The following CTNNA2 variants were observed in gnomAD, a reference collection of about 807,000 sequenced individuals.
The protein encoded by CTNNA2 is catenin alpha 2.
CTNNA2 carries 42 observed loss-of-function variants against 101.0 expected under a neutral mutation model. The ratio of observed to expected loss-of-function variants is 0.42; its 90% confidence interval spans 0.32 to 0.54. The LOEUF (loss-of-function observed/expected upper bound fraction) is 0.54, where lower values mean the gene tolerates loss of function less well. CTNNA2 is among the 20% of genes least tolerant of loss of function. The pLI is 0.14. For synonymous variants in CTNNA2, 450 were observed against 456.4 expected, an observed-to-expected ratio of 0.99 and a Z score of 0.18; for missense variants, 871 against 1,223.1, an observed-to-expected ratio of 0.71 and a Z score of 4.29.
intron 4 of CTNNA2, among the ~76,000 whole-genome samples, chr2:79,418,188 T>A (rs1423546852): frequency 6.6e-6 from 1 of 152,080 alleles, no homozygotes; most frequent in Non-Finnish European, 1.5e-5. Flanking sequence ...AAAAGGCCGA[T>A]CTTGGGTTCT....
chr2:79,500,102 T>C (rs1671303488), intron 4 of CTNNA2, among the ~76,000 whole-genome samples: 2 of 152,200 alleles, frequency 1.3e-5, no homozygotes, highest in Non-Finnish European at 2.9e-5. Flanking sequence ...CAAAAATATC[T>C]TTCATGTTGA....
At chr2:79,389,726 A>G (rs1348529989) in intron 4 of CTNNA2, among the ~76,000 whole-genome samples, 1 of 152,204 alleles carries the variant, frequency 6.6e-6, no homozygotes, top group Non-Finnish European at 1.5e-5. Flanking sequence ...TCAAAGAAAA[A>G]GTGGCATAGA....
At chr2:80,189,977 T>C (rs1047422413) in intron 7 of CTNNA2, among the ~76,000 whole-genome samples, 3 of 151,556 alleles carry the variant, frequency 2.0e-5, no homozygotes, top group African/African-American at 7.3e-5. Context: ...AACTAAGACT[T>C]TGAGGTCAGA....
chr2:80,331,463 A>C (rs187089101), intron 7 of CTNNA2, among the ~76,000 whole-genome samples: 114 of 152,284 alleles, frequency 7.5e-4, no homozygotes, highest in African/African-American at 2.4e-3. Context: ...ACATCAAAGC[A>C]CTACCTTTCC....
At position 80,547,690 on chromosome 2, in the gene CTNNA2, C is replaced by CTTTTTTTTTTTT. The variant is rs61186189; in HGVS notation, c.1540+1632_1540+1643dup. Among the ~76,000 whole-genome samples the CTTTTTTTTTTTT allele has an allele frequency of 9.4e-4, 117 of 124,290 alleles. 22 individuals are homozygous for CTTTTTTTTTTTT. Among genetic ancestry groups the CTTTTTTTTTTTT allele is most frequent in the African/African-American group, 3.0e-3 (87 of 29,358 alleles). The allele number at this position is 124,290 out of a possible 152,430, so 81.5% of individuals were successfully genotyped here. A position where few individuals can be genotyped will look rare whatever the true frequency, so the allele number is the denominator to read the frequency against. ...AGAACTCAATATATTGTCACTTCTG[C>CTTTTTTTTTTTT]TTTTTTTTTTTTTTTTGAGATGGAG... On this transcript the variant is annotated intron_variant, in intron 11 of 18. Coordinates refer to ENST00000402739, the MANE Select transcript of CTNNA2 (RefSeq NM_001282597.3).
chr2:80,117,568 T>G (rs1364816930), intron 7 of CTNNA2, among the ~76,000 whole-genome samples: 1 of 151,946 alleles, frequency 6.6e-6, no homozygotes, highest in Non-Finnish European at 1.5e-5. Context: ...GATCTTTTGA[T>G]GTGGGTGGAT....
chr2:79,661,714 C>T (rs1202069496), intron 2 of CTNNA2, among the ~76,000 whole-genome samples: 2 of 152,062 alleles, frequency 1.3e-5, no homozygotes, highest in Non-Finnish European at 2.9e-5. Context: ...ATGCAACTGA[C>T]CACAGATAAT....
chr2:79,803,402 G>A (rs13389717), intron 3 of CTNNA2, among the ~76,000 whole-genome samples: 13,054 of 152,252 alleles, frequency 0.086, 904 homozygotes, highest in East Asian at 0.37. Context: ...CCAGTCATTA[G>A]CATTGTTTCT....
At chr2:80,568,874 CAGAA>C (rs1309971366) in intron 12 of CTNNA2, among the ~76,000 whole-genome samples, 2 of 152,108 alleles carry the variant, frequency 1.3e-5, no homozygotes, top group Admixed American at 6.6e-5. Context: ...AGGGGTGAGA[CAGAA>C]AGACACAAGA....
intron 9 of CTNNA2, among the ~76,000 whole-genome samples, chr2:80,463,553 C>T (rs1684622058): frequency 1.3e-5 from 2 of 152,100 alleles, no homozygotes. Flanking sequence ...TGGGAGTTTT[C>T]ATGTTCAGGC....
intron 7 of CTNNA2, among the ~76,000 whole-genome samples, chr2:80,297,338 G>C (rs1427277729): frequency 3.3e-5 from 5 of 152,170 alleles, no homozygotes; most frequent in Non-Finnish European, 7.3e-5. Flanking sequence ...CACTAGCTGG[G>C]TGACTTTGCA....
At chr2:79,232,547 C>A (rs1558581300) in intron 2 of CTNNA2, among the ~76,000 whole-genome samples, 1 of 152,116 alleles carries the variant, frequency 6.6e-6, no homozygotes, top group Non-Finnish European at 1.5e-5. Context: ...ATGATGCTGG[C>A]TTTACAGAAT....
At position 80,511,148 on chromosome 2, in the gene CTNNA2, C is replaced by A. The variant is rs13415502; in HGVS notation, c.1291-33834C>A. Among the ~76,000 whole-genome samples the A allele has an allele frequency of 6.6e-3, 1,000 of 152,284 alleles. 9 individuals are homozygous for A. Among genetic ancestry groups the A allele is most frequent in the Non-Finnish European group, 0.012 (786 of 68,022 alleles). On this transcript the variant is annotated intron_variant, in intron 9 of 18. Coordinates refer to ENST00000402739, the MANE Select transcript of CTNNA2 (RefSeq NM_001282597.3). ...ACTAATAAATTCCTGCTATATTCAT[C>A]CCTACCTTTTTATGCCTGCTGAACT...
At chr2:79,341,931 G>C (rs924401632) in intron 3 of CTNNA2, among the ~76,000 whole-genome samples, 3 of 152,142 alleles carry the variant, frequency 2.0e-5, no homozygotes, top group Non-Finnish European at 4.4e-5. Flanking sequence ...CCATGAAAGG[G>C]TGTCACGTTA....
intron 2 of CTNNA2, among the ~76,000 whole-genome samples, chr2:79,280,662 A>AC (rs1491367960): frequency 1.8e-4 from 14 of 76,224 alleles, no homozygotes; most frequent in East Asian, 8.7e-4. Flanking sequence ...TGTGTAAGAG[A>AC]AAGAGAGAGA....
At chr2:79,954,637 A>G (rs1689103603) in intron 7 of CTNNA2, among the ~76,000 whole-genome samples, 1 of 152,176 alleles carries the variant, frequency 6.6e-6, no homozygotes, top group Non-Finnish European at 1.5e-5. Context: ...AGGTTCAAGC[A>G]GCAATACAAA....
chr2:80,591,615 CTA>C (rs2149742146), intron 15 of CTNNA2, among the ~76,000 whole-genome samples: 1 of 151,944 alleles, frequency 6.6e-6, no homozygotes, highest in Admixed American at 6.6e-5. Flanking sequence ...CTCCATAACT[CTA>C]AACATTCTTA....
intron 7 of CTNNA2, among the ~76,000 whole-genome samples, chr2:80,265,259 G>A (rs1049442856): frequency 2.0e-5 from 3 of 152,172 alleles, no homozygotes; most frequent in Admixed American, 6.5e-5. Context: ...ACAGGCGTGA[G>A]CCACTCCTCC....
chr2:79,963,754 A>G (rs1689829214), intron 7 of CTNNA2, among the ~76,000 whole-genome samples: 1 of 152,196 alleles, frequency 6.6e-6, no homozygotes, highest in African/African-American at 2.4e-5. Flanking sequence ...TTCCCTTGTG[A>G]TTGAGTCAGT....
Sources: allele counts gnomAD v4.1 joint callset (sites outside exome capture counted in the v4.1 genomes callset), GRCh38; gene constraint gnomAD v4.1.1; transcripts MANE v1.5; gene names NCBI Gene and HGNC (gene_info 2026-07-23, HGNC 2026-07-21).